The following NAALADL2 variants were observed in gnomAD, a reference collection of about 807,000 sequenced individuals.
NAALADL2 encodes the protein inactive N-acetylated-alpha-linked acidic dipeptidase-like protein 2.
A neutral mutation model predicts 87.2 loss-of-function variants in NAALADL2; 76 were observed. The observed-to-expected ratio is 0.87, with a 90% CI of 0.72 to 1.05. The LOEUF (loss-of-function observed/expected upper bound fraction) is 1.05, where lower values mean the gene tolerates loss of function less well. NAALADL2 is among the 50% of genes least tolerant of loss of function. NAALADL2 has a pLI of 0.00. For missense variants in NAALADL2, 1,089 were observed against 945.8 expected (o/e 1.15, Z -1.99); for synonymous variants, 354 against 331.0 (o/e 1.07, Z -0.75).
chr3:175,668,914 A>C (rs1030891733), intron 11 of NAALADL2, among the ~76,000 whole-genome samples: 1 of 152,142 alleles, frequency 6.6e-6, no homozygotes, highest in Non-Finnish European at 1.5e-5. Flanking sequence ...GTTATTATTT[A>C]TTAAGCTCTC....
intron 1 of NAALADL2, among the ~76,000 whole-genome samples, chr3:174,885,733 C>T (rs908839790): frequency 6.6e-6 from 1 of 151,918 alleles, no homozygotes; most frequent in Non-Finnish European, 1.5e-5. Flanking sequence ...CTGTATTAGT[C>T]AGGGTTCTCT....
chr3:174,825,912 A>G (rs1297685451), intron 3 of NAALADL2, among the ~76,000 whole-genome samples: 2 of 152,110 alleles, frequency 1.3e-5, no homozygotes, highest in African/African-American at 4.8e-5. Flanking sequence ...CTGTAGTCCC[A>G]GCTACTCAGG....
intron 12 of NAALADL2, among the ~76,000 whole-genome samples, chr3:175,750,669 C>T (rs1746516186): frequency 6.6e-6 from 1 of 152,082 alleles, no homozygotes; most frequent in Admixed American, 6.6e-5. Context: ...TTAAGATGTC[C>T]TGGATTTTTA....
At chr3:174,762,006 A>T (rs73174728) in intron 3 of NAALADL2, among the ~76,000 whole-genome samples, 46,483 of 151,810 alleles carry the variant, frequency 0.31, 7,162 homozygotes, top group Middle Eastern at 0.35. Flanking sequence ...TTTTAGAGTT[A>T]TACATCTCTG....
intron 2 of NAALADL2, among the ~76,000 whole-genome samples, chr3:174,704,217 A>G (rs999835370): frequency 2.0e-5 from 3 of 152,152 alleles, no homozygotes; most frequent in African/African-American, 4.8e-5. Flanking sequence ...TCAACTCACT[A>G]CAGTAGGACC....
chr3:174,898,317 C>T (rs549712603), intron 1 of NAALADL2, among the ~76,000 whole-genome samples: 1 of 150,352 alleles, frequency 6.7e-6, no homozygotes, highest in African/African-American at 2.4e-5. Context: ...AGGTTGGTTA[C>T]CAGAGATTGG....
intron 11 of NAALADL2, among the ~76,000 whole-genome samples, chr3:175,652,619 C>CA (rs1166525697): frequency 6.6e-6 from 1 of 151,616 alleles, no homozygotes; most frequent in Non-Finnish European, 1.5e-5. Context: ...GCTGGGACTA[C>CA]AGGCGCCCAC....
At chr3:174,728,049 A>G (rs1578701713) in intron 2 of NAALADL2, among the ~76,000 whole-genome samples, 1 of 152,062 alleles carries the variant, frequency 6.6e-6, no homozygotes, top group African/African-American at 2.4e-5. Context: ...GTGGCTTGAT[A>G]ACTCAGTTTT....
intron 2 of NAALADL2, among the ~76,000 whole-genome samples, chr3:174,694,262 T>C (rs1424114818): frequency 6.6e-6 from 1 of 152,082 alleles, no homozygotes; most frequent in Non-Finnish European, 1.5e-5. Context: ...TTGTATAAGC[T>C]ATCTGTTCTT....
chr3:174,628,925 T>C (rs934369846), intron 2 of NAALADL2, among the ~76,000 whole-genome samples: 2 of 152,230 alleles, frequency 1.3e-5, no homozygotes, highest in African/African-American at 2.4e-5. Flanking sequence ...ATGAACAGTT[T>C]GTATTTATTT....
chr3:174,657,791 C>T (rs1278387673), intron 2 of NAALADL2, among the ~76,000 whole-genome samples: 1 of 152,078 alleles, frequency 6.6e-6, no homozygotes, highest in East Asian at 1.9e-4. Flanking sequence ...TATTCATTTC[C>T]CTTTCCTTTT....
chr3:174,745,709 C>A (rs897101111), intron 3 of NAALADL2, among the ~76,000 whole-genome samples: 7 of 152,076 alleles, frequency 4.6e-5, no homozygotes, highest in African/African-American at 1.7e-4. Flanking sequence ...ATGAGCAAAC[C>A]GAATCCAGCA....
intron 4 of NAALADL2, among the ~76,000 whole-genome samples, chr3:175,271,419 A>G (rs1023150981): frequency 4.6e-5 from 7 of 152,236 alleles, no homozygotes; most frequent in Non-Finnish European, 1.0e-4. Flanking sequence ...AGTCAAGCAC[A>G]GTCTTCATGC....
chr3:174,728,498 G>T (rs557638945), intron 2 of NAALADL2, among the ~76,000 whole-genome samples: 2 of 152,118 alleles, frequency 1.3e-5, no homozygotes, highest in South Asian at 2.1e-4. Flanking sequence ...GCATAGTGAG[G>T]CTAAGTAAGA....
intron 2 of NAALADL2, among the ~76,000 whole-genome samples, chr3:174,568,461 C>T (rs1293476706): frequency 2.0e-5 from 3 of 151,378 alleles, no homozygotes; most frequent in African/African-American, 4.8e-5. Flanking sequence ...ATAACACATA[C>T]GTATATGAAA....
At chr3:174,793,812 T>C (rs959746197) in intron 3 of NAALADL2, among the ~76,000 whole-genome samples, 7 of 152,006 alleles carry the variant, frequency 4.6e-5, no homozygotes, top group African/African-American at 1.7e-4. Context: ...AGTTTCTTTT[T>C]TTTTTTTCTT....
At chr3:175,248,087 T>G (rs189623701) in intron 3 of NAALADL2, among the ~76,000 whole-genome samples, 8 of 152,308 alleles carry the variant, frequency 5.3e-5, no homozygotes, top group Non-Finnish European at 1.0e-4. Context: ...CTAGTATACC[T>G]GCTTTCTCTT....
At chr3:174,903,226 A>T (rs995926772) in intron 1 of NAALADL2, among the ~76,000 whole-genome samples, 8 of 152,142 alleles carry the variant, frequency 5.3e-5, no homozygotes, top group African/African-American at 1.9e-4. Flanking sequence ...ATTTGAATAC[A>T]TTAGATATTA....
In NAALADL2 at chr3:174,696,593, T is replaced by TAAAAA. The variant is rs62946360; in HGVS notation, c.-114-41028_-114-41024dup. Among the ~76,000 whole-genome samples the TAAAAA allele has an allele frequency of 7.1e-3, 789 of 110,356 alleles. 36 individuals are homozygous for TAAAAA. Among genetic ancestry groups the TAAAAA allele is most frequent in the African/African-American group, 0.025 (664 of 26,144 alleles). The allele number at this position is 110,356 out of a possible 152,430, so 72.4% of individuals were successfully genotyped here. On this transcript the variant is annotated intron_variant, in intron 2 of 3. Coordinates refer to the NAALADL2 transcript ENST00000434257. ...TAGGGGTCAGGCAGGTGTAGTTATC[T>TAAAAA]AAAAAAAAAAAAAAAAAAAAAAAAG...
Sources: allele counts gnomAD v4.1 joint callset (sites outside exome capture counted in the v4.1 genomes callset), GRCh38; gene constraint gnomAD v4.1.1; transcripts MANE v1.5; gene names NCBI Gene and HGNC (gene_info 2026-07-23, HGNC 2026-07-21).